Variants in ANKRD11 observed in about 807,000 individuals in gnomAD.
The protein encoded by ANKRD11 is ankyrin repeat domain 11.
Under a neutral mutation model 195.7 loss-of-function variants are expected in ANKRD11, and 17 were observed. The ratio of observed to expected loss-of-function variants is 0.09; its 90% CI spans 0.06 to 0.13. The LOEUF is 0.13. Ranked by LOEUF, ANKRD11 falls within the 10% of genes least tolerant of loss-of-function variation. ANKRD11 has a pLI of 1.00. For synonymous variants in ANKRD11, 1,953 were observed against 1,528.1 expected (o/e 1.28, Z -6.49); for missense variants, 3,735 against 3,566.1 (o/e 1.05, Z -1.21).
intron 1 of ANKRD11, among the ~76,000 whole-genome samples, chr16:89,451,457 G>T (rs2044071610): frequency 7.2e-6 from 1 of 139,182 alleles, no homozygotes; most frequent in Admixed American, 8.1e-5. Context: ...TGAGGCCCAG[G>T]CAGGAGTGCA....
intron 4 of ANKRD11, among the ~76,000 whole-genome samples, chr16:89,297,061 G>A (rs1379894141): frequency 2.0e-5 from 3 of 152,010 alleles, no homozygotes; most frequent in Non-Finnish European, 4.4e-5. Flanking sequence ...TACCTCCCTG[G>A]GAGGTCTGAA....
chr16:89,337,393 C>A (rs959904812), intron 2 of ANKRD11, among the ~76,000 whole-genome samples: 1 of 147,840 alleles, frequency 6.8e-6, no homozygotes. Flanking sequence ...CACTGTTAAC[C>A]CTACTGCACA....
In ANKRD11 at chr16:89,370,243, G is replaced by A. The variant is rs905559243; in HGVS notation, c.-60+48041C>T. ...CAGGCGAGGGGAGCCCATGTCCAGG[G>A]GTGGCCAGCCTGCACTTTAGTGTGG... On this transcript the variant is annotated intron_variant, in intron 2 of 12. Coordinates refer to ENST00000301030, the MANE Select transcript of ANKRD11 (RefSeq NM_013275.6). 2.0e-5 allele frequency among the ~76,000 whole-genome samples: 3 copies of A among 152,312 alleles called. 1 individual carries two copies. The highest frequency in any genetic ancestry group is 1.5e-5 in the Non-Finnish European group (1 of 68,006).
intron 3 of ANKRD11, among the ~76,000 whole-genome samples, chr16:89,316,718 C>T (rs1044568990): frequency 3.3e-5 from 5 of 152,214 alleles, no homozygotes; most frequent in South Asian, 2.1e-4. Context: ...TATTATTTAA[C>T]GCTTGACTTC....
rs140756023 is a variant in ANKRD11 at position 89,445,400 on chromosome 16, G to A, written c.-144-27032C>T. ...AACTAAGAGGTCATCTCCTTGGGGC[G>A]TAAGATGCTACCCCTGAAGCAACAT... On this transcript the variant is annotated intron_variant, in intron 1 of 12. Transcript: ENST00000301030. Among the ~76,000 whole-genome samples, 425 of 152,172 alleles carry A rather than the reference G, an allele frequency of 2.8e-3. 2 individuals are homozygous for A. The highest frequency in any genetic ancestry group is 9.7e-3 in the African/African-American group (401 of 41,506).
chr16:89,277,193 G>A (rs575987920), intron 9 of ANKRD11, among the ~76,000 whole-genome samples: 2 of 152,230 alleles, frequency 1.3e-5, no homozygotes, highest in East Asian at 1.9e-4. Context: ...GGGCCCGTCG[G>A]TGGCAGGGAT....
At chr16:89,475,408 G>A (rs532414254) in intron 1 of ANKRD11, among the ~76,000 whole-genome samples, 4 of 152,186 alleles carry the variant, frequency 2.6e-5, no homozygotes, top group African/African-American at 4.8e-5. Context: ...AACCCACCAC[G>A]CTGCACTGTT....
At chr16:89,442,516 TTCTC>T (rs999341293) in intron 1 of ANKRD11, among the ~76,000 whole-genome samples, 39 of 152,150 alleles carry the variant, frequency 2.6e-4, no homozygotes, top group African/African-American at 8.9e-4. Flanking sequence ...TTGTCTCTGT[TTCTC>T]TCTCTCTCAA....
intron 3 of ANKRD11, among the ~76,000 whole-genome samples, chr16:89,316,471 A>G (rs1303590632): frequency 6.6e-6 from 1 of 152,232 alleles, no homozygotes; most frequent in Non-Finnish European, 1.5e-5. Context: ...AAGTCTGCAC[A>G]CCAGGAATCA....
chr16:89,479,225 T>C (rs1435383270), intron 1 of ANKRD11, among the ~76,000 whole-genome samples: 2 of 151,416 alleles, frequency 1.3e-5, no homozygotes, highest in East Asian at 3.9e-4. Flanking sequence ...AAAACATTAA[T>C]GACGGCCAGA....
At position 89,281,686 on chromosome 16, in the gene ANKRD11, T is replaced by C. The variant is rs1179842228; in HGVS notation, c.4856A>G (p.Lys1619Arg). ...TGCCGGCTTCGCCTTCTCCTTGAGC[T>C]TGGGGTCTCCGGACCGGTGCCTCAG... Reference protein sequence around the residue: ...EKLRHRSGDPKLKEKAKPADD... With the variant: ...EKLRHRSGDPRLKEKAKPADD... The change falls in exon 9 of 13, where the codon AAG (lysine) becomes AGG (arginine). Residue 1619 changes from lysine to arginine, a missense_variant. Transcript: ENST00000301030. The surrounding 1 kb of genome is among the most constrained non-coding windows in gnomAD (Gnocchi z 5.5). 4 of 1,614,188 alleles carry C rather than the reference T, an allele frequency of 2.5e-6. No homozygotes were observed. The highest frequency in any genetic ancestry group is 2.5e-6 in the Non-Finnish European group (3 of 1,180,022).
Position 89,284,888 on chromosome 16 carries a change from T to C in ANKRD11, c.1654A>G (p.Lys552Glu). The C allele has an allele frequency of 6.2e-7, 1 of 1,613,668 alleles. No individual in the cohort carries two copies. The highest frequency in any genetic ancestry group is 2.2e-5 in the East Asian group (1 of 44,866). Residue 552 changes from lysine (K) to glutamate (E), a missense_variant, in exon 9 of 13, where the codon AAA becomes GAA. Transcript: ENST00000301030. ...HTKHWRTDNWKTISSPAWSEV... is the reference protein window; with the variant it reads ...HTKHWRTDNWETISSPAWSEV... Reference sequence around the variant, plus strand: ...GACCAAGCCGGGGAAGAAATGGTTTTCCAATTGTCTGTCCGCCAGTGCTTG... The same window carrying C: ...GACCAAGCCGGGGAAGAAATGGTTTCCCAATTGTCTGTCCGCCAGTGCTTG...
chr16:89,449,328 G>GCATTC (rs2043956002), intron 1 of ANKRD11, among the ~76,000 whole-genome samples: 1 of 152,048 alleles, frequency 6.6e-6, no homozygotes, highest in South Asian at 2.1e-4. Context: ...TCCCACCACT[G>GCATTC]CATTCCATCC....
Position 89,285,139 on chromosome 16 carries a change from C to A in ANKRD11, c.1403G>T (p.Arg468Leu). ...GAACTTGTCGCTCCGCTTTCCGAAG[C>A]GAACCTCTCTGCCTTTTGTTTCTTT... ...RKKETKGREV[R>L]FGKRSDKFCS... is the part of the protein sequence containing the mutation. The change falls in exon 9 of 13, where the codon CGC (arginine) becomes CTC (leucine). Residue 468 changes from arginine to leucine, a missense_variant. Transcript: ENST00000301030. This position sits in a 1 kb window ranked among gnomAD's most constrained non-coding sequence, Gnocchi z 5.6. 1.2e-6 allele frequency: 2 copies of A among 1,613,612 alleles called. No homozygotes were observed. Among genetic ancestry groups the A allele is most frequent in the East Asian group, 4.5e-5 (2 of 44,876 alleles).
intron 2 of ANKRD11, among the ~76,000 whole-genome samples, chr16:89,356,716 G>A (rs1275554263): frequency 6.8e-6 from 1 of 147,578 alleles, no homozygotes; most frequent in Non-Finnish European, 1.5e-5. Context: ...GGGAGGCCGA[G>A]CTTGCAGTGA....
intron 1 of ANKRD11, among the ~76,000 whole-genome samples, chr16:89,458,204 A>G (rs936523707): frequency 6.6e-6 from 1 of 151,932 alleles, no homozygotes; most frequent in Non-Finnish European, 1.5e-5. Flanking sequence ...GTTGTACTTT[A>G]GCACTTGCTT....
chr16:89,466,056 C>G (rs558129762), intron 1 of ANKRD11, among the ~76,000 whole-genome samples: 1 of 152,164 alleles, frequency 6.6e-6, no homozygotes, highest in East Asian at 1.9e-4. Context: ...CAACAGGGAC[C>G]AGTAAAAGGA....
At chr16:89,414,462 G>A (rs1349192883) in intron 2 of ANKRD11, among the ~76,000 whole-genome samples, 2 of 152,176 alleles carry the variant, frequency 1.3e-5, no homozygotes, top group Admixed American at 1.3e-4. Flanking sequence ...CTTCTGTTTT[G>A]CCAAGAAAGA....
At chr16:89,290,203 T>C (rs1178333076) in intron 6 of ANKRD11, among the ~76,000 whole-genome samples, 2 of 151,296 alleles carry the variant, frequency 1.3e-5, no homozygotes, top group Non-Finnish European at 2.9e-5. Context: ...TCCAACCCGA[T>C]GGGAGGCTCA....
Sources: gnomAD v4.1 joint callset for allele counts (sites outside exome capture counted in the v4.1 genomes callset) on GRCh38, gnomAD v4.1.1 for gene constraint, Gnocchi (gnomAD v3.1) non-coding constraint, MANE v1.5 for transcripts, NCBI Gene and HGNC (gene_info 2026-07-23, HGNC 2026-07-21) for gene names.